Variants in FOXP1 observed in about 807,000 individuals in gnomAD.
FOXP1 encodes forkhead box P1.
Under a neutral mutation model 98.2 loss-of-function variants are expected in FOXP1, and 15 were observed. The ratio of observed to expected loss-of-function variants is 0.15; its 90% CI spans 0.10 to 0.24. FOXP1 has a LOEUF of 0.24. FOXP1 is among the 10% of genes least tolerant of loss of function. FOXP1 has a pLI of 1.00. For missense variants in FOXP1, 633 were observed against 848.5 expected (o/e 0.75, Z 3.15); for synonymous variants, 371 against 314.5 (o/e 1.18, Z -1.90).
chr3:71,001,796 G>A (rs577531727), intron 12 of FOXP1, among the ~76,000 whole-genome samples: 2 of 152,264 alleles, frequency 1.3e-5, no homozygotes, highest in Non-Finnish European at 2.9e-5. Context: ...TTTAGCATAC[G>A]CAGGAGCTCT....
chr3:71,126,891 A>AAAAAAAAAAAAAAAAAAAAAAAAAC (rs2059242357), intron 6 of FOXP1, among the ~76,000 whole-genome samples: 1 of 30,452 alleles, frequency 3.3e-5, no homozygotes, highest in African/African-American at 7.9e-5. Flanking sequence ...AAACAAAAAC[A>AAAAAAAAAAAAAAAAAAAAAAAAAC]AAAAAAAAAA....
chr3:71,580,688 G>A (rs2048096540), intron 2 of FOXP1: 1 of 610,030 alleles, frequency 1.6e-6, no homozygotes. Flanking sequence ...GGGGGAAAGG[G>A]GATGGAATGG....
chr3:71,455,232 C>A (rs191500563), intron 3 of FOXP1, among the ~76,000 whole-genome samples: 84 of 152,090 alleles, frequency 5.5e-4, no homozygotes, highest in African/African-American at 1.9e-3. Flanking sequence ...AGCACACATC[C>A]CCCCCGCCGT....
intron 5 of FOXP1, among the ~76,000 whole-genome samples, chr3:71,257,795 C>T (rs1474787481): frequency 2.0e-5 from 3 of 152,118 alleles, no homozygotes. Context: ...CTTTTAGAAG[C>T]ATGCAGACCT....
At chr3:71,151,329 T>C (rs2060562530) in intron 6 of FOXP1, among the ~76,000 whole-genome samples, 1 of 152,216 alleles carries the variant, frequency 6.6e-6, no homozygotes, top group Non-Finnish European at 1.5e-5. Flanking sequence ...CAGCTTTCAC[T>C]ACGCGCGTCA....
intron 11 of FOXP1, among the ~76,000 whole-genome samples, chr3:71,034,281 T>C (rs1399733995): frequency 3.3e-5 from 5 of 152,154 alleles, no homozygotes; most frequent in African/African-American, 1.2e-4. Flanking sequence ...TAACCCACTC[T>C]GTAGTCCAAT....
chr3:71,132,354 C>G (rs2059614751), intron 6 of FOXP1, among the ~76,000 whole-genome samples: 1 of 152,196 alleles, frequency 6.6e-6, no homozygotes, highest in Admixed American at 6.5e-5. Context: ...AGATATGTAA[C>G]TGCTTAACAC....
intron 4 of FOXP1, chr3:71,332,308 C>T (rs1023070130): frequency 6.4e-6 from 1 of 155,782 alleles, no homozygotes; most frequent in Non-Finnish European, 1.4e-5. Flanking sequence ...CAGCTTCACG[C>T]CTGAGCCAGC....
chr3:71,501,381 G>A (rs992049522), intron 2 of FOXP1, among the ~76,000 whole-genome samples: 7 of 142,684 alleles, frequency 4.9e-5, no homozygotes, highest in South Asian at 4.5e-4. Context: ...CACCACCTCC[G>A]ACTCCCTGGT....
chr3:71,407,324 A>G (rs529579457), intron 3 of FOXP1, among the ~76,000 whole-genome samples: 2 of 152,286 alleles, frequency 1.3e-5, no homozygotes, highest in African/African-American at 4.8e-5. Context: ...GGTGGCGGGA[A>G]CACACATTTT....
chr3:71,482,454 G>A (rs919990374), intron 3 of FOXP1, among the ~76,000 whole-genome samples: 1 of 145,630 alleles, frequency 6.9e-6, no homozygotes, highest in Non-Finnish European at 1.5e-5. Flanking sequence ...CTGCAACCTC[G>A]GCCTCCTGGG....
Position 70,957,509 on chromosome 3 carries a change from A to T in FOXP1, c.*1738T>A. ...AGAACATAATTTACCTTTGTGTAAT[A>T]TCTTTGGTAATTTTAGAAAAAAGGT... On this transcript the variant is annotated 3_prime_UTR_variant, in exon 21 of 21. Transcript: ENST00000649528. 4.3e-6 allele frequency: 1 copy of T among 231,014 alleles called. No individual in the cohort carries two copies. Among genetic ancestry groups the T allele is most frequent in the Non-Finnish European group, 8.6e-6 (1 of 116,466 alleles). The allele number at this position is 231,014 out of a possible 1,614,324, so 14.3% of individuals were successfully genotyped here.
chr3:71,082,664 AC>A (rs1199359090), intron 7 of FOXP1, among the ~76,000 whole-genome samples: 3 of 152,176 alleles, frequency 2.0e-5, no homozygotes, highest in Non-Finnish European at 2.9e-5. Flanking sequence ...CAAAAAAAAA[AC>A]AGACAAAAAT....
chr3:71,483,023 A>G lies in FOXP1; in HGVS notation c.-168+10403T>C, dbSNP rs116399701. Among the ~76,000 whole-genome samples, 984 of 151,728 alleles carry G rather than the reference A, an allele frequency of 6.5e-3. 13 individuals carry two copies. Among genetic ancestry groups the G allele is most frequent in the African/African-American group, 0.023 (931 of 41,352 alleles). On this transcript the variant is annotated intron_variant, in intron 3 of 20. Transcript: ENST00000649528. ...GCTAATTTTTTTTCTTATTTTTTGT[A>G]GAGATGGGGTCTCACTATGTTGCCC...
intron 3 of FOXP1, among the ~76,000 whole-genome samples, chr3:71,460,816 T>C (rs749850507): frequency 6.6e-6 from 1 of 152,220 alleles, no homozygotes; most frequent in Non-Finnish European, 1.5e-5. Flanking sequence ...GAATTCATCA[T>C]TCTGAGTGGC....
At chr3:70,966,766 A>G (rs1452732259) in intron 19 of FOXP1, among the ~76,000 whole-genome samples, 3 of 152,216 alleles carry the variant, frequency 2.0e-5, no homozygotes, top group Non-Finnish European at 2.9e-5. Context: ...GTACATCAAT[A>G]TTAAAGGTTA....
chr3:71,347,230 C>G (rs2077422865), intron 4 of FOXP1, among the ~76,000 whole-genome samples: 1 of 152,126 alleles, frequency 6.6e-6, no homozygotes, highest in South Asian at 2.1e-4. Context: ...TAGTAGGAAG[C>G]TGAATTATTC....
At chr3:71,392,767 T>C (rs1304262981) in intron 3 of FOXP1, among the ~76,000 whole-genome samples, 1 of 152,214 alleles carries the variant, frequency 6.6e-6, no homozygotes, top group African/African-American at 2.4e-5. Context: ...TAGTGTAATT[T>C]TTTTCATGTA....
At chr3:71,175,263 A>C (rs2061877359) in intron 6 of FOXP1, among the ~76,000 whole-genome samples, 1 of 152,194 alleles carries the variant, frequency 6.6e-6, no homozygotes, top group African/African-American at 2.4e-5. Flanking sequence ...GCCACCCAGA[A>C]ACATGCATGT....
Sources: allele counts gnomAD v4.1 joint callset (sites outside exome capture counted in the v4.1 genomes callset), GRCh38; gene constraint gnomAD v4.1.1; transcripts MANE v1.5; gene names NCBI Gene and HGNC (gene_info 2026-07-23, HGNC 2026-07-21).